Variants in SH3BP5 observed in about 807,000 individuals in gnomAD.
SH3BP5 encodes the protein SH3 domain-binding protein 5.
In SH3BP5, 22 loss-of-function variants were observed where a neutral mutation model predicts 43.3. The observed-to-expected ratio is 0.51, with a 90% CI of 0.36 to 0.73. The LOEUF (loss-of-function observed/expected upper bound fraction) is 0.73. SH3BP5 is among the 30% of genes least tolerant of loss of function. SH3BP5 has a pLI of 0.00. For missense variants in SH3BP5, 529 were observed against 586.9 expected, an observed-to-expected ratio of 0.90 and a Z score of 1.02; for synonymous variants, 255 against 225.8, an observed-to-expected ratio of 1.13 and a Z score of -1.16.
intron 4 of SH3BP5, among the ~76,000 whole-genome samples, chr3:15,267,622 C>T (rs762071172): frequency 5.9e-5 from 9 of 152,206 alleles, no homozygotes; most frequent in Non-Finnish European, 8.8e-5. Context: ...TCCCAGGGCC[C>T]TATGAAGCCC....
Position 15,258,861 on chromosome 3 carries a change from C to T in SH3BP5, c.859G>A (p.Gly287Arg), listed in dbSNP as rs751873876. The T allele has an allele frequency of 1.9e-5, 30 of 1,614,190 alleles. No homozygotes were observed. The highest frequency in any genetic ancestry group is 2.5e-5 in the Non-Finnish European group (29 of 1,180,042). ...ATGGCATCAGGCTCAGGTTTGCTCC[C>T]TGGCAGATCCTCCACAGATGTGCTG... is the stretch of plus-strand genomic sequence containing the variant. The part of the protein sequence containing the change: ...GSSTSVEDLP[G>R]SKPEPDAISV... Residue 287 changes from glycine (G) to arginine (R), a missense_variant, in exon 7 of 9, where the codon GGG (glycine) becomes AGG (arginine). Around this residue, in one of 3 missense-constraint regions of SH3BP5, gnomAD observed 369 missense variants for 384.3 expected, o/e 0.96. Transcript: ENST00000383791.
At chr3:15,282,121 G>C (rs971635366) in intron 3 of SH3BP5, among the ~76,000 whole-genome samples, 1 of 152,182 alleles carries the variant, frequency 6.6e-6, no homozygotes, top group African/African-American at 2.4e-5. Context: ...AGGAAGAACA[G>C]AGTATATCCC....
intron 2 of SH3BP5, among the ~76,000 whole-genome samples, chr3:15,313,843 T>A (rs376397601): frequency 6.6e-5 from 10 of 152,302 alleles, no homozygotes; most frequent in African/African-American, 2.2e-4. Context: ...GGCTTACACC[T>A]GTAATCCCAG....
intron 3 of SH3BP5, among the ~76,000 whole-genome samples, chr3:15,299,621 G>A (rs1697677573): frequency 6.7e-6 from 1 of 149,496 alleles, no homozygotes; most frequent in Non-Finnish European, 1.5e-5. Context: ...AGCCTCCTAA[G>A]GGCTAGGACC....
chr3:15,279,406 C>G (rs974205852), intron 3 of SH3BP5, among the ~76,000 whole-genome samples: 45 of 152,230 alleles, frequency 3.0e-4, no homozygotes, highest in African/African-American at 1.0e-3. Flanking sequence ...GCAGCTGTAC[C>G]ATAGACAGAC....
intron 8 of SH3BP5, 100 bp from the exon 9 acceptor site, chr3:15,256,403 A>T: frequency 7.6e-7 from 1 of 1,309,682 alleles, no homozygotes; most frequent in Non-Finnish European, 1.1e-6. Context: ...GACAATTCTA[A>T]GTCACTTGAG....
intron 2 of SH3BP5, among the ~76,000 whole-genome samples, chr3:15,324,358 C>T (rs561783466): frequency 2.6e-5 from 4 of 152,302 alleles, no homozygotes; most frequent in Non-Finnish European, 2.9e-5. Context: ...ATCCAGGAGA[C>T]GGCAAGCTCC....
At chr3:15,270,434 G>C (rs1024295740) in intron 3 of SH3BP5, among the ~76,000 whole-genome samples, 6 of 152,314 alleles carry the variant, frequency 3.9e-5, no homozygotes, top group Middle Eastern at 3.4e-3. Context: ...CACTCTGCCA[G>C]ACAGTCTCCC....
intron 3 of SH3BP5, among the ~76,000 whole-genome samples, chr3:15,280,970 C>A (rs1697112217): frequency 6.6e-6 from 1 of 152,194 alleles, no homozygotes; most frequent in Admixed American, 6.5e-5. Context: ...GAGTGGAGAG[C>A]CCTGCTTTAT....
At chr3:15,307,740 C>A (rs1014542962) in intron 2 of SH3BP5, among the ~76,000 whole-genome samples, 5 of 152,276 alleles carry the variant, frequency 3.3e-5, no homozygotes. Flanking sequence ...GGCAGCCGCT[C>A]TGCAAGATGC....
intron 7 of SH3BP5, chr3:15,258,154 G>A (rs1322742714): frequency 6.6e-6 from 1 of 152,248 alleles, no homozygotes; most frequent in Non-Finnish European, 1.5e-5. Context: ...GAAGGAGCTT[G>A]GGAAAGAGCC....
chr3:15,339,859 A>T (rs866855132), intron 1 of SH3BP5: 1 of 113,954 alleles, frequency 8.8e-6, no homozygotes, highest in South Asian at 3.0e-4. Context: ...TAAAAAATTA[A>T]AAAAAAAAAG....
chr3:15,293,490 A>G (rs1697471397), intron 3 of SH3BP5, among the ~76,000 whole-genome samples: 2 of 152,336 alleles, frequency 1.3e-5, no homozygotes, highest in East Asian at 1.9e-4. Flanking sequence ...TTGGAACAAG[A>G]GCTTCTCGGA....
chr3:15,276,892 T>C (rs1012973552), intron 3 of SH3BP5, among the ~76,000 whole-genome samples: 3 of 152,222 alleles, frequency 2.0e-5, no homozygotes, highest in Non-Finnish European at 4.4e-5. Flanking sequence ...TATATAGATA[T>C]AGTACATCAT....
chr3:15,295,813 G>C (rs917782760), intron 3 of SH3BP5, among the ~76,000 whole-genome samples: 2 of 152,188 alleles, frequency 1.3e-5, no homozygotes, highest in Non-Finnish European at 2.9e-5. Context: ...GAGAGGTCAT[G>C]ACAGATTAAA....
chr3:15,324,436 T>C (rs1285804793), intron 2 of SH3BP5, among the ~76,000 whole-genome samples: 1 of 152,216 alleles, frequency 6.6e-6, no homozygotes, highest in East Asian at 1.9e-4. Flanking sequence ...CAGGATTTGC[T>C]GCAGGAAGGC....
intron 2 of SH3BP5, among the ~76,000 whole-genome samples, chr3:15,318,530 CA>C (rs59276192): frequency 0.061 from 6,461 of 105,110 alleles, 151 homozygotes; most frequent in South Asian, 0.11. Context: ...CTGTCAGCTC[CA>C]AAAAAAAAAA....
intron 2 of SH3BP5, among the ~76,000 whole-genome samples, chr3:15,305,128 AAAT>A (rs1421651983): frequency 6.6e-6 from 1 of 151,780 alleles, no homozygotes; most frequent in African/African-American, 2.4e-5. Flanking sequence ...AAAAAAAAAA[AAAT>A]TAATTCATTA....
At chr3:15,275,269 G>A (rs1288278169) in intron 3 of SH3BP5, among the ~76,000 whole-genome samples, 1 of 152,204 alleles carries the variant, frequency 6.6e-6, no homozygotes, top group African/African-American at 2.4e-5. Context: ...TCTAACTGAG[G>A]AAAGTTTAAC....
Sources: gnomAD v4.1 joint callset for allele counts (sites outside exome capture counted in the v4.1 genomes callset) on GRCh38, gnomAD v4.1.1 for gene constraint, gnomAD v4.1.1 regional missense constraint, MANE v1.5 for transcripts, NCBI Gene and HGNC (gene_info 2026-07-23, HGNC 2026-07-21) for gene names.